Variants in RAPGEF6 observed in about 807,000 individuals in gnomAD.
The protein encoded by RAPGEF6 is Rap guanine nucleotide exchange factor 6.
Under a neutral mutation model 171.4 loss-of-function variants are expected in RAPGEF6, and 56 were observed. The observed-to-expected ratio is 0.33, with a 90% CI of 0.26 to 0.41. The LOEUF is 0.41. RAPGEF6 is among the 10% of genes least tolerant of loss of function. The pLI, the probability that RAPGEF6 is intolerant of heterozygous loss-of-function variation, is 1.00. For synonymous variants in RAPGEF6, 692 were observed against 650.1 expected (o/e 1.06, Z -0.98); for missense variants, 1,674 against 1,921.4 (o/e 0.87, Z 2.41).
intron 13 of RAPGEF6, among the ~76,000 whole-genome samples, chr5:131,493,536 C>T (rs962175547): frequency 2.6e-5 from 4 of 152,182 alleles, no homozygotes; most frequent in Non-Finnish European, 5.9e-5. Context: ...GTTTTCATCT[C>T]GTCCAGAAAA....
chr5:131,487,886 TA>T (rs1396207400), intron 15 of RAPGEF6, among the ~76,000 whole-genome samples: 1 of 152,220 alleles, frequency 6.6e-6, no homozygotes, highest in African/African-American at 2.4e-5. Flanking sequence ...ACATCTAGAG[TA>T]AAATGCTCCA....
At chr5:131,428,586 G>A (rs952090027) in intron 27 of RAPGEF6, among the ~76,000 whole-genome samples, 4 of 151,546 alleles carry the variant, frequency 2.6e-5, no homozygotes, top group African/African-American at 4.9e-5. Flanking sequence ...TCAGCCTCCC[G>A]AGTAGCTGGG....
chr5:131,435,491 A>T (rs1751956892), intron 24 of RAPGEF6, among the ~76,000 whole-genome samples: 4 of 152,234 alleles, frequency 2.6e-5, no homozygotes, highest in Admixed American at 2.6e-4. Flanking sequence ...GTATTTCTCA[A>T]ATATAATAAT....
chr5:131,608,842 C>T (rs1322748754), intron 1 of RAPGEF6, among the ~76,000 whole-genome samples: 1 of 152,018 alleles, frequency 6.6e-6, no homozygotes, highest in Non-Finnish European at 1.5e-5. Flanking sequence ...ATCAGCATGG[C>T]TCACTGCAGC....
Position 131,614,097 on chromosome 5 carries a change from C to T in RAPGEF6, c.70-9404G>A, listed in dbSNP as rs140830983. 3.2e-3 allele frequency among the ~76,000 whole-genome samples: 487 copies of T among 152,144 alleles called. 2 individuals are homozygous for T. Among genetic ancestry groups the T allele is most frequent in the Middle Eastern group, 6.8e-3 (2 of 294 alleles). Reference sequence around the variant, plus strand: ...AGGAGTTGGAGATCAGCCTGGTCAACATGGTGAAACCCCATCTCTACTAAA... The same window carrying T: ...AGGAGTTGGAGATCAGCCTGGTCAATATGGTGAAACCCCATCTCTACTAAA... On this transcript the variant is annotated intron_variant, in intron 1 of 27. Transcript: ENST00000509018.
chr5:131,596,885 TA>T (rs1336138437), intron 3 of RAPGEF6, among the ~76,000 whole-genome samples: 1 of 152,068 alleles, frequency 6.6e-6, no homozygotes, highest in African/African-American at 2.4e-5. Context: ...CAAAAACAGA[TA>T]AATCTGATTA....
At chr5:131,562,791 G>T (rs1280815081) in intron 4 of RAPGEF6, among the ~76,000 whole-genome samples, 1 of 151,710 alleles carries the variant, frequency 6.6e-6, no homozygotes, top group Admixed American at 6.6e-5. Flanking sequence ...TTTTTTCCAG[G>T]ATCAGCAGTT....
At chr5:131,490,044 G>C (rs1244148980) in intron 14 of RAPGEF6, among the ~76,000 whole-genome samples, 1 of 152,076 alleles carries the variant, frequency 6.6e-6, no homozygotes, top group East Asian at 1.9e-4. Context: ...TTCAAAGAGA[G>C]GTAATTCTTT....
At chr5:131,516,227 T>C (rs1052707887) in intron 7 of RAPGEF6, among the ~76,000 whole-genome samples, 5 of 151,884 alleles carry the variant, frequency 3.3e-5, no homozygotes, top group African/African-American at 9.7e-5. Context: ...AGCTGGTGCA[T>C]GCGCCACCGC....
Position 131,495,554 on chromosome 5 carries a change from G to A in RAPGEF6, c.1526C>T (p.Thr509Ile). 1 of 1,612,124 alleles carries A rather than the reference G, an allele frequency of 6.2e-7. No homozygotes were observed. The highest frequency in any genetic ancestry group is 8.5e-7 in the Non-Finnish European group (1 of 1,178,402). ...LEEFEKNLED[T>I]KMNGHLRLLN... ...AATAGAAATTATTTTGAGCCTTACT[G>A]TATCTTCCAGATTTTTTTCAAATTC... The change falls in exon 13 of 28, where the codon ACA becomes ATA. Residue 509 changes from threonine (T) to isoleucine (I), a missense_variant and splice_region_variant. This residue lies in a region of RAPGEF6 where 1,116 missense variants were observed against 1,321.5 expected (regional missense o/e 0.84). Transcript: ENST00000509018.
At chr5:131,485,540 CTCTG>C (rs1229585057) in intron 15 of RAPGEF6, among the ~76,000 whole-genome samples, 1 of 152,200 alleles carries the variant, frequency 6.6e-6, no homozygotes, top group Non-Finnish European at 1.5e-5. Context: ...TCTCCTGGAT[CTCTG>C]TCTGTACCAC....
rs542457838 is a variant in RAPGEF6 at position 131,606,318 on chromosome 5, C to T, written c.70-1625G>A. 4.6e-4 allele frequency among the ~76,000 whole-genome samples: 67 copies of T among 145,828 alleles called. No individual in the cohort carries two copies. The South Asian group carries it at 0.013, about 28-fold the overall frequency. ...GGAAGAAGTTGCAGTGAGCCGAGAT[C>T]GCACCACTGCACTCCAGTCTAGGCG... On this transcript the variant is annotated intron_variant, in intron 1 of 27. Coordinates refer to ENST00000509018, the MANE Select transcript of RAPGEF6 (RefSeq NM_016340.6).
intron 6 of RAPGEF6, among the ~76,000 whole-genome samples, chr5:131,521,869 ACACACACACACACACACACACACTCTCT>A (rs1758506308): frequency 8.0e-6 from 1 of 124,488 alleles, no homozygotes; most frequent in Non-Finnish European, 1.7e-5. Context: ...ACACACACAC[ACACACACACACACACACACACACTCTCT>A]CTCTCTCTCA....
In RAPGEF6 at chr5:131,425,023, C is replaced by T. The variant is rs1751334911; in HGVS notation, c.*2243G>A. ...TTAGTTAAAATATAAAAATCAAAAC[C>T]TCATGATTTTTTAAGGGATACATAC... On this transcript the variant is annotated 3_prime_UTR_variant, in exon 28 of 28. Coordinates refer to ENST00000509018, the MANE Select transcript of RAPGEF6 (RefSeq NM_016340.6). 1.3e-5 allele frequency: 2 copies of T among 152,162 alleles called. No homozygotes were observed. The highest frequency in any genetic ancestry group is 1.9e-4 in the East Asian group (1 of 5,326). 9.4% of individuals were successfully genotyped at this position (152,162 alleles called of 1,614,324 possible).
intron 15 of RAPGEF6, among the ~76,000 whole-genome samples, chr5:131,481,509 C>A (rs953238210): frequency 6.6e-6 from 1 of 152,094 alleles, no homozygotes; most frequent in Non-Finnish European, 1.5e-5. Flanking sequence ...GGATTACAGG[C>A]GTTAAGCCAC....
At chr5:131,495,750 G>C (rs1756601252) in intron 12 of RAPGEF6, 90 bp from the exon 13 acceptor site, 2 of 1,479,720 alleles carry the variant, frequency 1.4e-6, no homozygotes, top group Non-Finnish European at 1.8e-6. Context: ...AACTCATGAA[G>C]AACTGACAAC....
At chr5:131,581,010 C>T (rs1157441139) in intron 4 of RAPGEF6, among the ~76,000 whole-genome samples, 3 of 152,118 alleles carry the variant, frequency 2.0e-5, no homozygotes, top group Non-Finnish European at 4.4e-5. Context: ...CCTCCACTAC[C>T]AGACTTGGAA....
chr5:131,467,860 G>C (rs904264210), intron 17 of RAPGEF6, among the ~76,000 whole-genome samples: 1 of 152,024 alleles, frequency 6.6e-6, no homozygotes, highest in African/African-American at 2.4e-5. Flanking sequence ...GGAGAAGCCC[G>C]CCTCCACAAA....
At chr5:131,571,339 G>T (rs560200416) in intron 4 of RAPGEF6, among the ~76,000 whole-genome samples, 1 of 152,090 alleles carries the variant, frequency 6.6e-6, no homozygotes, top group African/African-American at 2.4e-5. Context: ...CAAGGAAAAA[G>T]AAATAAAAGG....
Sources: gnomAD v4.1 joint callset for allele counts (sites outside exome capture counted in the v4.1 genomes callset) on GRCh38, gnomAD v4.1.1 for gene constraint, gnomAD v4.1.1 regional missense constraint, MANE v1.5 for transcripts, NCBI Gene and HGNC (gene_info 2026-07-23, HGNC 2026-07-21) for gene names.